FBLN1: variants seen among roughly 807,000 people sequenced by gnomAD.
FBLN1 encodes fibulin-1.
A neutral mutation model predicts 89.7 loss-of-function variants in FBLN1; 34 were observed. The observed-to-expected ratio is 0.38, with a 90% CI of 0.29 to 0.50. The LOEUF (loss-of-function observed/expected upper bound fraction) is 0.50, where lower values mean the gene tolerates loss of function less well. Ranked by LOEUF, FBLN1 falls within the 20% of genes least tolerant of loss-of-function variation. The pLI is 0.92. For missense variants in FBLN1, 777 were observed against 988.1 expected, an observed-to-expected ratio of 0.79 and a Z score of 2.86; for synonymous variants, 393 against 391.3, an observed-to-expected ratio of 1.00 and a Z score of -0.05.
At chr22:45,564,981 C>T (rs2088889838) in intron 14 of FBLN1, 1 of 1,613,946 alleles carries the variant, frequency 6.2e-7, no homozygotes, top group Non-Finnish European at 8.5e-7. Flanking sequence ...GGATACCCAC[C>T]TTGATGCCTA....
chr22:45,572,964 C>T lies in FBLN1; in HGVS notation c.1698-1547C>T, dbSNP rs1267627498. On this transcript the variant is annotated intron_variant, in intron 14 of 16. Transcript: ENST00000327858. This position sits in a 1 kb window ranked among gnomAD's most constrained non-coding sequence, Gnocchi z 5.8. ...AAAGGAGGCCGGGCACGTTGGCTCA[C>T]GCCTGTAATCCCAACACTTTGGGAG... Among the ~76,000 whole-genome samples the T allele has an allele frequency of 4.6e-5, 7 of 152,156 alleles. No homozygotes were observed. Among genetic ancestry groups the T allele is most frequent in the Non-Finnish European group, 1.0e-4 (7 of 68,034 alleles).
chr22:45,505,570 G>A (rs765009902), intron 1 of FBLN1, among the ~76,000 whole-genome samples: 54 of 152,176 alleles, frequency 3.5e-4, no homozygotes, highest in Non-Finnish European at 5.4e-4. Context: ...GGGGCACGCG[G>A]CTGACTCATC....
intron 14 of FBLN1, among the ~76,000 whole-genome samples, chr22:45,570,510 GAAT>G (rs2088944662): frequency 6.6e-6 from 1 of 151,746 alleles, no homozygotes; most frequent in African/African-American, 2.4e-5. Context: ...ACACAAAAGT[GAAT>G]AAACAGATAA....
In FBLN1 at chr22:45,577,084, C is replaced by A; in HGVS notation, c.1948C>A (p.Arg650Ser). Residue 650 changes from arginine to serine, a missense_variant, in exon 16 of 17, where the codon CGT becomes AGT. Transcript: ENST00000327858. The surrounding 1 kb of genome is among the most constrained non-coding windows in gnomAD (Gnocchi z 6.6). Reference sequence around the variant, plus strand: ...GCGGGACTCTTTTGACATCATCAAGCGTTACATGGACGGCATGACCGTGGG... The same window carrying A: ...GCGGGACTCTTTTGACATCATCAAGAGTTACATGGACGGCATGACCGTGGG... ...NLRDSFDIIK[R>S]YMDGMTVGVV... 6.2e-7 allele frequency: 1 copy of A among 1,614,108 alleles called. No individual in the cohort carries two copies. The highest frequency in any genetic ancestry group is 8.5e-7 in the Non-Finnish European group (1 of 1,180,010).
chr22:45,522,690 C>T (rs773910742), intron 2 of FBLN1, among the ~76,000 whole-genome samples: 3 of 152,162 alleles, frequency 2.0e-5, no homozygotes, highest in African/African-American at 4.8e-5. Context: ...CCACCAAGGC[C>T]CGACATTCCT....
At chr22:45,533,655 G>C in intron 6 of FBLN1, 106 bp from the exon 7 acceptor site, 1 of 1,337,984 alleles carries the variant, frequency 7.5e-7, no homozygotes. Context: ...AGTTTGCGAG[G>C]GTGCAGGGAA....
chr22:45,536,786 A>AT lies in FBLN1; in HGVS notation c.922+1451dup, dbSNP rs1374870184. On this transcript the variant is annotated intron_variant, in intron 8 of 16. Transcript: ENST00000327858. The surrounding 1 kb of genome is among the most constrained non-coding windows in gnomAD (Gnocchi z 5.1). The stretch of plus-strand genomic sequence containing the variant: ...TCTCAAAAAAGAAAAAAAAAAAGAA[A>AT]TTGCTGATATCAGAGAAATACTAAT... Among the ~76,000 whole-genome samples the AT allele has an allele frequency of 6.6e-6, 1 of 152,102 alleles. No homozygotes were observed. Among genetic ancestry groups the AT allele is most frequent in the African/African-American group, 2.4e-5 (1 of 41,438 alleles).
Position 45,568,528 on chromosome 22 carries a change from T to C in FBLN1, c.1698-5983T>C, listed in dbSNP as rs938816261. On this transcript the variant is annotated intron_variant, in intron 14 of 16. Coordinates refer to ENST00000327858, the MANE Select transcript of FBLN1 (RefSeq NM_006486.3). The stretch of plus-strand genomic sequence containing the variant: ...AGTGCTCCTTCTGTAGGGGAATGCC[T>C]CTTCTGTAGGGGAATGCTCCTTCTG... Among the ~76,000 whole-genome samples, 305 of 115,780 alleles carry C rather than the reference T, an allele frequency of 2.6e-3. 1 individual carries two copies. The highest frequency in any genetic ancestry group is 6.2e-3 in the African/African-American group (122 of 19,524). 76.0% of individuals were successfully genotyped at this position (115,780 alleles called of 152,430 possible).
At chr22:45,553,803 G>A (rs1421767201) in intron 14 of FBLN1, among the ~76,000 whole-genome samples, 1 of 152,106 alleles carries the variant, frequency 6.6e-6, no homozygotes, top group Non-Finnish European at 1.5e-5. Context: ...GGCGGGAGCT[G>A]CACCAGAACA....
intron 1 of FBLN1, among the ~76,000 whole-genome samples, chr22:45,508,232 C>T (rs2088050058): frequency 2.0e-5 from 3 of 151,864 alleles, no homozygotes; most frequent in Admixed American, 2.0e-4. Context: ...TGAGCTTGGG[C>T]AGCTTGGCCC....
intron 10 of FBLN1, 124 bp downstream of exon 10, chr22:45,542,407 C>T: frequency 7.4e-7 from 1 of 1,342,670 alleles, no homozygotes; most frequent in African/African-American, 1.4e-5. Context: ...GCAGGCAGAC[C>T]CTGAGAGAAG....
chr22:45,526,271 T>C (rs2088326481), intron 3 of FBLN1, among the ~76,000 whole-genome samples: 1 of 152,224 alleles, frequency 6.6e-6, no homozygotes. Context: ...ATAGTCCTCT[T>C]CCCTGAGTGC....
chr22:45,546,446 C>T (rs967216537), intron 11 of FBLN1, among the ~76,000 whole-genome samples: 2 of 152,212 alleles, frequency 1.3e-5, no homozygotes, highest in African/African-American at 4.8e-5. Context: ...GAACCCCTGA[C>T]CTCGTGATCC....
chr22:45,596,142 C>T (rs919189957), intron 16 of FBLN1, among the ~76,000 whole-genome samples: 15 of 152,282 alleles, frequency 9.9e-5, no homozygotes, highest in Middle Eastern at 3.4e-3. Flanking sequence ...GTGCCGGGAT[C>T]ACAGGCGTGA....
chr22:45,533,690 A>G (rs1311945800), intron 6 of FBLN1, 71 bp from the exon 7 acceptor site: 3 of 1,580,446 alleles, frequency 1.9e-6, no homozygotes, highest in Non-Finnish European at 2.6e-6. Flanking sequence ...GCTTTGGCAC[A>G]TTCCTTTCTA....
chr22:45,522,408 G>C (rs533259110), intron 2 of FBLN1, among the ~76,000 whole-genome samples: 1 of 152,232 alleles, frequency 6.6e-6, no homozygotes, highest in Non-Finnish European at 1.5e-5. Flanking sequence ...TGAAAGCCAT[G>C]AGCAGGCAGG....
At chr22:45,539,332 C>G (rs902015485) in intron 8 of FBLN1, among the ~76,000 whole-genome samples, 27 of 151,130 alleles carry the variant, frequency 1.8e-4, no homozygotes, top group Middle Eastern at 3.4e-3. Context: ...TCCCAAGTAG[C>G]TGGGATTACA....
intron 11 of FBLN1, 116 bp downstream of exon 11, chr22:45,543,642 G>A: frequency 7.5e-7 from 1 of 1,334,488 alleles, no homozygotes. Flanking sequence ...TAAATGACAT[G>A]TTAGCAGGGG....
intron 14 of FBLN1, among the ~76,000 whole-genome samples, chr22:45,569,345 A>G (rs988469130): frequency 7.2e-5 from 11 of 152,178 alleles, no homozygotes; most frequent in African/African-American, 2.2e-4. Context: ...GAGTTCTTAT[A>G]AGAAGGGATT....
Sources: allele counts gnomAD v4.1 joint callset (sites outside exome capture counted in the v4.1 genomes callset), GRCh38; gene constraint gnomAD v4.1.1; non-coding constraint Gnocchi (gnomAD v3.1); transcripts MANE v1.5; gene names NCBI Gene and HGNC (gene_info 2026-07-23, HGNC 2026-07-21).